The following RAB3GAP1 variants were observed in gnomAD, a reference collection of about 807,000 sequenced individuals.
RAB3GAP1 encodes the protein RAB3 GTPase activating protein catalytic subunit 1, also known as rab3 GTPase-activating protein catalytic subunit.
In RAB3GAP1, 86 loss-of-function variants were observed where a neutral mutation model predicts 130.7. That is an observed-to-expected ratio of 0.66 (90% CI 0.55 to 0.79). RAB3GAP1 has a LOEUF of 0.79. Ranked by LOEUF, RAB3GAP1 falls within the 30% of genes least tolerant of loss-of-function variation. The pLI is 0.00. For synonymous variants in RAB3GAP1, 367 were observed against 401.7 expected (o/e 0.91, Z 1.03); for missense variants, 1,029 against 1,169.4 (o/e 0.88, Z 1.75).
Position 135,115,359 on chromosome 2 carries a change from T to C in RAB3GAP1, c.626T>C (p.Leu209Pro). Residue 209 changes from leucine to proline, a missense_variant, in exon 7 of 24, where the codon CTG (leucine) becomes CCG (proline). Leu to Pro is a moderately conservative substitution (Grantham distance 98). Transcript: ENST00000264158. The stretch of plus-strand genomic sequence containing the variant: ...CAGTACACTCACTTATCAGGTCTGC[T>C]GGATATCTTCAAATCAAAGATTGTG... ...PNQYTHLSGL[L>P]DIFKSKIGCP... 1 of 1,612,096 alleles carries C rather than the reference T, an allele frequency of 6.2e-7. No homozygotes were observed. The highest frequency in any genetic ancestry group is 8.5e-7 in the Non-Finnish European group (1 of 1,178,254).
rs1386421779 is a variant in RAB3GAP1 at position 135,135,607 on chromosome 2, G to A, written c.1598G>A (p.Gly533Glu). ...GAAAGAAAGAAGGCACGTGATGAGG[G>A]GAAAAAGACAAGTGCTTCAGATGTC... ...CIERKKARDE[G>E]KKTSASDVTN... is the part of the protein sequence containing the mutation. The change falls in exon 17 of 24, where the codon GGG (glycine) becomes GAG (glutamate). Residue 533 changes from glycine to glutamate, a missense_variant. Transcript: ENST00000264158. 10 of 1,608,752 alleles carry A rather than the reference G, an allele frequency of 6.2e-6. No homozygotes were observed. The Admixed American group carries it at 1.5e-4, about 24-fold the overall frequency.
At chr2:135,124,999 TG>T (rs1226972335) in intron 9 of RAB3GAP1, among the ~76,000 whole-genome samples, 1 of 152,206 alleles carries the variant, frequency 6.6e-6, no homozygotes, top group Non-Finnish European at 1.5e-5. Context: ...TATTTAAAAG[TG>T]TACAATTCAA....
At chr2:135,084,588 T>C (rs535948475) in intron 3 of RAB3GAP1, among the ~76,000 whole-genome samples, 29 of 152,332 alleles carry the variant, frequency 1.9e-4, no homozygotes, top group African/African-American at 7.0e-4. Flanking sequence ...CTATTTCAGC[T>C]TGTTAGATCA....
downstream of RAB3GAP1, among the ~76,000 whole-genome samples, chr2:135,175,090 C>G (rs963327345): frequency 6.6e-6 from 1 of 152,216 alleles, no homozygotes; most frequent in Non-Finnish European, 1.5e-5. Context: ...CTTAGGGACT[C>G]AAGTAGGAGG....
Position 135,135,808 on chromosome 2 carries a change from AAG to A in RAB3GAP1, c.1804_1805del (p.Ser602TrpfsTer7). On this transcript the variant is annotated frameshift_variant, in exon 17 of 24. Transcript: ENST00000264158. LOFTEE classifies it high-confidence loss of function. ...ACTGAAGAACTTAAAGGAAATGGACAAGAGAGTGGCAAGAAAGGAGGACCTAA... is the reference window on the plus strand; with the variant it reads ...ACTGAAGAACTTAAAGGAAATGGACAAGAGTGGCAAGAAAGGAGGACCTAA... 1 of 1,614,202 alleles carries A rather than the reference AAG, an allele frequency of 6.2e-7. No individual in the cohort carries two copies. The highest frequency in any genetic ancestry group is 8.5e-7 in the Non-Finnish European group (1 of 1,180,034).
chr2:135,085,477 A>T (rs1244693194), intron 3 of RAB3GAP1, among the ~76,000 whole-genome samples: 3 of 152,170 alleles, frequency 2.0e-5, no homozygotes, highest in Non-Finnish European at 4.4e-5. Context: ...TCCAGGAAAC[A>T]TATTGTGAAG....
intron 5 of RAB3GAP1, among the ~76,000 whole-genome samples, chr2:135,109,456 AC>A (rs1466940714): frequency 6.6e-6 from 1 of 152,008 alleles, no homozygotes; most frequent in East Asian, 1.9e-4. Flanking sequence ...CTGTACATAC[AC>A]CTTTTTGCAT....
intron 3 of RAB3GAP1, among the ~76,000 whole-genome samples, chr2:135,086,596 C>T (rs2104868056): frequency 6.7e-6 from 1 of 150,242 alleles, no homozygotes; most frequent in South Asian, 2.1e-4. Flanking sequence ...CCTCATATAT[C>T]CTGGTTGCAA....
chr2:135,171,850 G>C (rs894803888), downstream of RAB3GAP1, among the ~76,000 whole-genome samples: 1 of 152,160 alleles, frequency 6.6e-6, no homozygotes, highest in African/African-American at 2.4e-5. Context: ...CACTTGGGCA[G>C]AGACTGAAGT....
chr2:135,117,711 GCTTCTTCTTCTGCTT>G (rs1339794811), intron 7 of RAB3GAP1, among the ~76,000 whole-genome samples: 12 of 22,036 alleles, frequency 5.4e-4, no homozygotes, highest in Admixed American at 2.2e-3. Context: ...TTCTGCTTCT[GCTTCTTCTTCTGCTT>G]CTTCTTCTTC....
intron 19 of RAB3GAP1, 65 bp downstream of exon 19, chr2:135,153,941 C>T: frequency 6.8e-7 from 1 of 1,460,516 alleles, no homozygotes; most frequent in South Asian, 1.2e-5. Context: ...TAGGAACTCA[C>T]TGTCATAGAC....
intron 2 of RAB3GAP1, among the ~76,000 whole-genome samples, chr2:135,055,539 A>G (rs1017365605): frequency 2.0e-5 from 3 of 152,052 alleles, no homozygotes. Context: ...CTAGCTGGGC[A>G]TGGTGATGTG....
intron 19 of RAB3GAP1, among the ~76,000 whole-genome samples, chr2:135,157,831 C>CAAAAAAAAAA (rs58810979): frequency 1.1e-5 from 1 of 87,202 alleles, no homozygotes; most frequent in Non-Finnish European, 2.9e-5. Flanking sequence ...GAATCCATCT[C>CAAAAAAAAAA]AAAAAAAAAA....
intron 4 of RAB3GAP1, among the ~76,000 whole-genome samples, chr2:135,092,384 C>A (rs1002941341): frequency 5.9e-5 from 9 of 152,142 alleles, no homozygotes; most frequent in African/African-American, 2.2e-4. Flanking sequence ...AGAATCAGTG[C>A]TCTGAGATAA....
intron 17 of RAB3GAP1, among the ~76,000 whole-genome samples, chr2:135,142,401 A>G (rs1691868532): frequency 6.6e-6 from 1 of 152,130 alleles, no homozygotes; most frequent in Non-Finnish European, 1.5e-5. Context: ...ATCTTGCTAC[A>G]TTGACTTATT....
In RAB3GAP1 at chr2:135,091,092, A is replaced by T; in HGVS notation, c.245A>T (p.Glu82Val). ...GTCACTCATCATTATCTTGTACAAG[A>T]GTCCACTGATAAAGAAGGAAAGGAT... is the stretch of plus-strand genomic sequence containing the variant. The part of the protein sequence containing the change: ...FSVTHHYLVQ[E>V]STDKEGKDEL... The change falls in exon 4 of 24, where the codon GAG becomes GTG. Residue 82 changes from glutamate to valine, a missense_variant. Glu to Val is a moderately radical substitution (Grantham distance 121, BLOSUM62 -2). Transcript: ENST00000264158. 1 of 1,601,032 alleles carries T rather than the reference A, an allele frequency of 6.2e-7. No individual in the cohort carries two copies. Among genetic ancestry groups the T allele is most frequent in the Non-Finnish European group, 8.6e-7 (1 of 1,168,394 alleles).
intron 3 of RAB3GAP1, among the ~76,000 whole-genome samples, chr2:135,071,904 A>ATCTT (rs200105104): frequency 7.4e-4 from 112 of 151,976 alleles, no homozygotes; most frequent in African/African-American, 1.6e-3. Flanking sequence ...ATTGTATTGA[A>ATCTT]TCTTTCTTTC....
At chr2:135,070,783 C>G (rs868520087) in intron 3 of RAB3GAP1, among the ~76,000 whole-genome samples, 1 of 152,210 alleles carries the variant, frequency 6.6e-6, no homozygotes, top group Non-Finnish European at 1.5e-5. Flanking sequence ...TGAGCCACCA[C>G]GCCCGGCCTG....
chr2:135,121,211 G>T (rs1339823994), intron 8 of RAB3GAP1, among the ~76,000 whole-genome samples: 2 of 152,048 alleles, frequency 1.3e-5, no homozygotes, highest in South Asian at 4.1e-4. Context: ...ACTATGTAGC[G>T]AATGATTAAC....
Sources: allele counts gnomAD v4.1 joint callset (sites outside exome capture counted in the v4.1 genomes callset), GRCh38; gene constraint gnomAD v4.1.1; transcripts MANE v1.5; gene names NCBI Gene and HGNC (gene_info 2026-07-23, HGNC 2026-07-21).